The following PDE1C variants were observed in gnomAD, a reference collection of about 807,000 sequenced individuals.
The protein encoded by PDE1C is phosphodiesterase 1C, also known as dual specificity calcium/calmodulin-dependent 3',5'-cyclic nucleotide phosphodiesterase 1C.
A neutral mutation model predicts 93.1 loss-of-function variants in PDE1C; 62 were observed. That is an observed-to-expected ratio of 0.67 (90% CI 0.54 to 0.82). PDE1C has a LOEUF of 0.82. PDE1C is among the 40% of genes least tolerant of loss of function. PDE1C has a pLI of 0.00. For synonymous variants in PDE1C, 325 were observed against 310.1 expected (o/e 1.05, Z -0.50); for missense variants, 742 against 884.6 (o/e 0.84, Z 2.04).
At chr7:31,915,959 G>A (rs181792260) in intron 2 of PDE1C, among the ~76,000 whole-genome samples, 9 of 152,142 alleles carry the variant, frequency 5.9e-5, no homozygotes, top group South Asian at 2.1e-4. Context: ...AGTAATAAAC[G>A]GGGAAAACTT....
chr7:31,655,514 A>G, the PDE1C span, among the ~76,000 whole-genome samples: 1 of 152,156 alleles, frequency 6.6e-6, no homozygotes, highest in Non-Finnish European at 1.5e-5. Flanking sequence ...GAATACCCAG[A>G]AAGTACTTTT....
intron 1 of PDE1C, among the ~76,000 whole-genome samples, chr7:32,376,021 G>T (rs551744231): frequency 1.3e-5 from 2 of 152,258 alleles, no homozygotes; most frequent in African/African-American, 4.8e-5. Context: ...GCCAAGGGTT[G>T]TGGCATGTGC....
At chr7:32,115,392 C>G (rs749715231) in intron 3 of PDE1C, among the ~76,000 whole-genome samples, 3 of 152,146 alleles carry the variant, frequency 2.0e-5, no homozygotes, top group South Asian at 4.1e-4. Context: ...ACCGCATGTT[C>G]TCACTCATAA....
chr7:31,724,621 A>G, the PDE1C span, among the ~76,000 whole-genome samples: 2 of 152,190 alleles, frequency 1.3e-5, no homozygotes, highest in Non-Finnish European at 2.9e-5. Context: ...CTTCATAGAA[A>G]TTATAACTAG....
chr7:32,344,154 G>A (rs1362653708), intron 1 of PDE1C, among the ~76,000 whole-genome samples: 1 of 152,120 alleles, frequency 6.6e-6, no homozygotes. Flanking sequence ...GCTCACTGCA[G>A]CCTCCATCTC....
At chr7:32,254,972 C>T (rs575319738) in intron 1 of PDE1C, among the ~76,000 whole-genome samples, 59 of 152,312 alleles carry the variant, frequency 3.9e-4, no homozygotes, top group African/African-American at 1.4e-3. Context: ...ATCAAACAAA[C>T]ATTTTTCCTT....
At chr7:32,076,662 A>G (rs1796375923) in intron 3 of PDE1C, among the ~76,000 whole-genome samples, 1 of 151,252 alleles carries the variant, frequency 6.6e-6, no homozygotes, top group African/African-American at 2.4e-5. Flanking sequence ...AAAAAAGAAA[A>G]AAAGAAAAAA....
chr7:32,253,389 C>T (rs1460225387), intron 1 of PDE1C, among the ~76,000 whole-genome samples: 3 of 152,090 alleles, frequency 2.0e-5, no homozygotes, highest in Non-Finnish European at 4.4e-5. Flanking sequence ...TGGCCTTTAC[C>T]GAAACCCCAC....
chr7:32,368,545 G>C (rs904799445), intron 1 of PDE1C, among the ~76,000 whole-genome samples: 4 of 152,144 alleles, frequency 2.6e-5, no homozygotes, highest in African/African-American at 9.7e-5. Flanking sequence ...TCATGGATTA[G>C]AAGAATTAAT....
intron 1 of PDE1C, among the ~76,000 whole-genome samples, chr7:32,422,182 G>A (rs1037325124): frequency 2.0e-5 from 3 of 152,072 alleles, no homozygotes; most frequent in South Asian, 2.1e-4. Context: ...AAGGCTGCTC[G>A]TGTCTATTTA....
intron 2 of PDE1C, among the ~76,000 whole-genome samples, chr7:31,991,916 T>C (rs1246090452): frequency 6.6e-6 from 1 of 152,134 alleles, no homozygotes; most frequent in East Asian, 1.9e-4. Flanking sequence ...GTGTGAATCA[T>C]TGTGTTTATC....
intron 16 of PDE1C, chr7:31,787,168 T>C (rs1784091403): frequency 6.6e-6 from 1 of 152,194 alleles, no homozygotes; most frequent in African/African-American, 2.4e-5. Flanking sequence ...GTGGAAAATA[T>C]AATACAATGG....
upstream of PDE1C, among the ~76,000 whole-genome samples, chr7:32,299,684 G>A (rs1812834693): frequency 6.6e-6 from 1 of 152,234 alleles, no homozygotes; most frequent in South Asian, 2.1e-4. Context: ...TTTGGAGGCA[G>A]AAGTTTCACT....
At chr7:32,152,128 T>C (rs2128791120) in intron 3 of PDE1C, among the ~76,000 whole-genome samples, 1 of 152,310 alleles carries the variant, frequency 6.6e-6, no homozygotes, top group East Asian at 1.9e-4. Context: ...ATCTCCTTGC[T>C]CTGGAGTAGG....
chr7:32,393,796 G>C (rs1361670610), intron 1 of PDE1C, among the ~76,000 whole-genome samples: 1 of 152,154 alleles, frequency 6.6e-6, no homozygotes, highest in African/African-American at 2.4e-5. Flanking sequence ...GGCCTCTTCA[G>C]ATTTCCTGCC....
chr7:31,925,378 G>A (rs187908380), intron 2 of PDE1C, among the ~76,000 whole-genome samples: 41 of 152,110 alleles, frequency 2.7e-4, no homozygotes, highest in African/African-American at 9.6e-4. Flanking sequence ...CATATGTGAG[G>A]CACTAGGGAA....
chr7:32,389,168 G>GTGTC (rs796765611), intron 1 of PDE1C, among the ~76,000 whole-genome samples: 10 of 137,636 alleles, frequency 7.3e-5, no homozygotes, highest in Admixed American at 3.0e-4. Flanking sequence ...GTGTGTGTGT[G>GTGTC]TGTGTGTGTG....
At chr7:31,983,857 G>C (rs1383568928) in intron 2 of PDE1C, among the ~76,000 whole-genome samples, 1 of 152,188 alleles carries the variant, frequency 6.6e-6, no homozygotes, top group African/African-American at 2.4e-5. Context: ...GAGAGCATCA[G>C]ATCACATGCA....
intron 1 of PDE1C, among the ~76,000 whole-genome samples, chr7:32,345,371 C>A (rs977803704): frequency 6.6e-6 from 1 of 152,192 alleles, no homozygotes; most frequent in East Asian, 1.9e-4. Flanking sequence ...GACACCCATT[C>A]CCCAGTATCT....
Sources: gnomAD v4.1 joint callset for allele counts (sites outside exome capture counted in the v4.1 genomes callset) on GRCh38, gnomAD v4.1.1 for gene constraint, MANE v1.5 for transcripts, NCBI Gene and HGNC (gene_info 2026-07-23, HGNC 2026-07-21) for gene names.